Variants in DNAI4 observed in about 807,000 individuals in gnomAD.
DNAI4 encodes dynein axonemal intermediate chain 4.
In DNAI4, 85 loss-of-function variants were observed where a neutral mutation model predicts 105.8. The ratio of observed to expected loss-of-function variants is 0.80; its 90% confidence interval spans 0.67 to 0.96. DNAI4 has a LOEUF of 0.96. DNAI4 is among the 40% of genes least tolerant of loss of function. DNAI4 has a pLI of 0.00. For missense variants in DNAI4, 1,014 were observed against 1,005.6 expected, an observed-to-expected ratio of 1.01 and a Z score of -0.11; for synonymous variants, 352 against 331.5, an observed-to-expected ratio of 1.06 and a Z score of -0.67.
rs375835859 is a variant in DNAI4, at chr1:66,819,892, CAT to C, written c.2496+2467_2496+2468del. ...CTCATGTGAGATGGACTAAGAGAAT[CAT>C]AGAGACTTTTTTTTTAAAAAAGATG... On this transcript the variant is annotated intron_variant, in intron 16 of 16. Coordinates refer to ENST00000371026, the MANE Select transcript of DNAI4 (RefSeq NM_024763.5). Among the ~76,000 whole-genome samples, 301 of 151,986 alleles carry C rather than the reference CAT, an allele frequency of 2.0e-3. 2 individuals carry two copies. Among genetic ancestry groups the C allele is most frequent in the African/African-American group, 7.1e-3 (295 of 41,454 alleles).
At position 66,822,601 on chromosome 1, in the gene DNAI4, T is replaced by A. The variant is rs529607171; in HGVS notation, c.2340-84A>T. ...AGACAAAGAAAAATTTGACATTTTT[T>A]AAATTAAATGTAACAAAAACCATAA... On this transcript the variant is annotated intron_variant, in intron 15 of 16. Transcript: ENST00000371026. The A allele has an allele frequency of 1.5e-5, 18 of 1,228,880 alleles. No homozygotes were observed. The East Asian group carries it at 2.7e-4, about 19-fold the overall frequency. The allele number at this position is 1,228,880 out of a possible 1,614,324, so 76.1% of individuals were successfully genotyped here.
At chr1:66,850,056 C>G (rs1283495492) in intron 7 of DNAI4, among the ~76,000 whole-genome samples, 1 of 146,394 alleles carries the variant, frequency 6.8e-6, no homozygotes, top group Non-Finnish European at 1.5e-5. Context: ...CAAACATATT[C>G]AAGAAATGAA....
intron 2 of DNAI4, among the ~76,000 whole-genome samples, chr1:66,895,810 T>C (rs1648282906): frequency 6.6e-6 from 1 of 152,200 alleles, no homozygotes; most frequent in Admixed American, 6.5e-5. Context: ...CATATGCTTT[T>C]TTACCACATT....
chr1:66,821,894 G>A (rs1645634348), intron 16 of DNAI4, among the ~76,000 whole-genome samples: 1 of 151,848 alleles, frequency 6.6e-6, no homozygotes, highest in Non-Finnish European at 1.5e-5. Flanking sequence ...GTCAAAGTTC[G>A]ACACAAAACT....
chr1:66,901,941 C>A (rs889292252), intron 2 of DNAI4, among the ~76,000 whole-genome samples: 34 of 152,114 alleles, frequency 2.2e-4, no homozygotes, highest in African/African-American at 8.0e-4. Flanking sequence ...GCCACCACAC[C>A]TGGCTAATTT....
chr1:66,852,364 C>T (rs1478889095), intron 7 of DNAI4, among the ~76,000 whole-genome samples: 9 of 151,864 alleles, frequency 5.9e-5, no homozygotes, highest in Non-Finnish European at 1.2e-4. Context: ...GGAAAGAATA[C>T]TTGCTCATTC....
chr1:66,885,350 A>G (rs1207845615), intron 4 of DNAI4, among the ~76,000 whole-genome samples: 1 of 152,148 alleles, frequency 6.6e-6, no homozygotes, highest in Non-Finnish European at 1.5e-5. Flanking sequence ...TTCTTTCCAC[A>G]TTTCTTTCAG....
chr1:66,829,449 T>TA (rs200188819), intron 13 of DNAI4, among the ~76,000 whole-genome samples: 4,345 of 151,764 alleles, frequency 0.029, 91 homozygotes, highest in Non-Finnish European at 0.041. Context: ...GATTTCAGAG[T>TA]AAAAAAAATC....
rs766102388 is a variant in DNAI4, at chr1:66,893,192, T to C, written c.530+37A>G. 3.3e-6 allele frequency: 4 copies of C among 1,218,066 alleles called. No homozygotes were observed. The African/African-American group carries it at 4.7e-5, about 14-fold the overall frequency. The allele number at this position is 1,218,066 out of a possible 1,614,324, so 75.5% of individuals were successfully genotyped here. A position where few individuals can be genotyped will look rare whatever the true frequency, so the allele number is the denominator to read the frequency against. ...AATTTAAATGGAAAGGCAATATATA[T>C]GATAGAAAAAAGGAACTATATAATA... On this transcript the variant is annotated intron_variant, in intron 3 of 16. Coordinates refer to ENST00000371026, the MANE Select transcript of DNAI4 (RefSeq NM_024763.5).
In DNAI4 at chr1:66,840,543, G is replaced by T. The variant is rs143910870; in HGVS notation, c.1420C>A (p.Arg474=). The change falls in exon 9 of 17, where the codon CGA becomes AGA. Residue 474 remains arginine, a synonymous_variant. Coordinates refer to ENST00000371026, the MANE Select transcript of DNAI4 (RefSeq NM_024763.5). ...EESTIPANLE[R]LWSFSCDLTK... ...AAGTCACAGGAAAAAGACCAAAGTC[G>T]TTCCAAGTTGGCGGGTATTGTTGAT... The T allele has an allele frequency of 1.2e-6, 2 of 1,614,190 alleles. No individual in the cohort carries two copies. Among genetic ancestry groups the T allele is most frequent in the Non-Finnish European group, 1.7e-6 (2 of 1,180,022 alleles).
intron 4 of DNAI4, among the ~76,000 whole-genome samples, chr1:66,888,849 T>G (rs1341138735): frequency 6.6e-6 from 1 of 152,228 alleles, no homozygotes; most frequent in Non-Finnish European, 1.5e-5. Flanking sequence ...CAAGGCAAAT[T>G]GTTACATAAA....
At chr1:66,831,420 A>G (rs564519850) in intron 13 of DNAI4, among the ~76,000 whole-genome samples, 2 of 152,272 alleles carry the variant, frequency 1.3e-5, no homozygotes, top group South Asian at 4.1e-4. Context: ...GTATTCGTAT[A>G]TTAAAAGGGT....
At chr1:66,893,081 GAA>G (rs1553227670) in intron 3 of DNAI4, 146 bp downstream of exon 3, 2 of 384,114 alleles carry the variant, frequency 5.2e-6, no homozygotes, top group Non-Finnish European at 9.0e-6. Context: ...AAGAAAGAAA[GAA>G]AGAAAGAAAG....
intron 1 of DNAI4, among the ~76,000 whole-genome samples, chr1:66,915,625 A>G (rs1047142934): frequency 2.0e-5 from 3 of 152,208 alleles, no homozygotes; most frequent in Non-Finnish European, 2.9e-5. Context: ...TATATTGTAG[A>G]AAAACATTCT....
rs138977295 is a variant in DNAI4 at position 66,865,345 on chromosome 1, A to G, written c.941-3043T>C. Among the ~76,000 whole-genome samples, 265 of 152,182 alleles carry G rather than the reference A, an allele frequency of 1.7e-3. 2 individuals are homozygous for G. Among genetic ancestry groups the G allele is most frequent in the African/African-American group, 6.2e-3 (257 of 41,530 alleles). The stretch of plus-strand genomic sequence containing the variant: ...AGGCTGAGGCACGAGAATCACTTGA[A>G]CCTGGGAGGCAGAGGTTGCAGTGAG... On this transcript the variant is annotated intron_variant, in intron 6 of 16. Coordinates refer to ENST00000371026, the MANE Select transcript of DNAI4 (RefSeq NM_024763.5).
Position 66,862,236 on chromosome 1 carries a change from A to G in DNAI4, c.1007T>C (p.Val336Ala), listed in dbSNP as rs1353479345. ...YNAMELVSLS[V>A]KQSVVESSSK... The stretch of plus-strand genomic sequence containing the variant: ...ACTTGACTCAACCACAGATTGTTTT[A>G]CTGATAAAGATACAAGTTCCATAGC... The change falls in exon 7 of 17, where the codon GTA becomes GCA. Residue 336 changes from valine (V) to alanine (A), a missense_variant. Val to Ala is a moderately conservative substitution (Grantham distance 64). Transcript: ENST00000371026. 3.1e-6 allele frequency: 5 copies of G among 1,611,300 alleles called. No homozygotes were observed.
At chr1:66,828,543 A>G (rs1028392497) in intron 13 of DNAI4, 1 of 152,152 alleles carries the variant, frequency 6.6e-6, no homozygotes, top group African/African-American at 2.4e-5. Flanking sequence ...AAGGTGGAGC[A>G]CTTTACGTTC....
At chr1:66,893,034 G>GGAAAGAAAGAAAGAAA (rs60301274) in intron 3 of DNAI4, among the ~76,000 whole-genome samples, 195 bp downstream of exon 3, 3 of 91,140 alleles carry the variant, frequency 3.3e-5, no homozygotes, top group African/African-American at 1.4e-4. Flanking sequence ...AAGAAAGAGA[G>GGAAAGAAAGAAAGAAA]GAAAGAAAGA....
At chr1:66,819,461 C>T (rs1645581407) in intron 16 of DNAI4, among the ~76,000 whole-genome samples, 1 of 151,998 alleles carries the variant, frequency 6.6e-6, no homozygotes. Flanking sequence ...TCTTGAATAT[C>T]TATTGTCCCT....
Sources: gnomAD v4.1 joint callset for allele counts (sites outside exome capture counted in the v4.1 genomes callset) on GRCh38, gnomAD v4.1.1 for gene constraint, MANE v1.5 for transcripts, NCBI Gene and HGNC (gene_info 2026-07-23, HGNC 2026-07-21) for gene names.